The following SULF2 variants were observed in gnomAD, a reference collection of about 807,000 sequenced individuals.
SULF2 encodes the protein sulfatase 2, also known as extracellular sulfatase Sulf-2.
A neutral mutation model predicts 107.7 loss-of-function variants in SULF2; 52 were observed. That is an observed-to-expected ratio of 0.48 (90% CI 0.39 to 0.61). The LOEUF is 0.61. Ranked by LOEUF, SULF2 falls within the 20% of genes least tolerant of loss-of-function variation. The pLI is 0.00. For synonymous variants in SULF2, 460 were observed against 464.3 expected, an observed-to-expected ratio of 0.99 and a Z score of 0.12; for missense variants, 993 against 1,177.3, an observed-to-expected ratio of 0.84 and a Z score of 2.29.
intron 1 of SULF2, among the ~76,000 whole-genome samples, chr20:47,765,129 A>C (rs1439828941): frequency 6.6e-6 from 1 of 152,078 alleles, no homozygotes; most frequent in Non-Finnish European, 1.5e-5. Context: ...AGGCGGGCGG[A>C]TCACGAGGTC....
intron 2 of SULF2, among the ~76,000 whole-genome samples, chr20:47,744,737 G>A (rs924145352): frequency 4.6e-5 from 7 of 152,230 alleles, no homozygotes; most frequent in Admixed American, 2.0e-4. Flanking sequence ...TCTACCTGGG[G>A]CCAGTCTGCT....
chr20:47,682,399 T>A (rs1377624624), intron 7 of SULF2, among the ~76,000 whole-genome samples: 1 of 152,154 alleles, frequency 6.6e-6, no homozygotes, highest in Non-Finnish European at 1.5e-5. Context: ...TCCCAGCCGA[T>A]CCAAGGAAGC....
chr20:47,716,729 C>T (rs562475778), intron 3 of SULF2, among the ~76,000 whole-genome samples: 16 of 152,254 alleles, frequency 1.1e-4, no homozygotes, highest in Middle Eastern at 3.4e-3. Flanking sequence ...GGGACAGTGG[C>T]TCACGTCTGT....
chr20:47,729,871 G>A (rs1600592505), intron 3 of SULF2, among the ~76,000 whole-genome samples: 1 of 152,326 alleles, frequency 6.6e-6, no homozygotes, highest in South Asian at 2.1e-4. Context: ...GACGGCCCAC[G>A]CAGCAGCCCT....
chr20:47,726,105 C>T (rs2089435829), intron 3 of SULF2, among the ~76,000 whole-genome samples: 1 of 152,162 alleles, frequency 6.6e-6, no homozygotes, highest in Non-Finnish European at 1.5e-5. Flanking sequence ...GGAAAGCACT[C>T]ACCTAAAGTT....
intron 2 of SULF2, among the ~76,000 whole-genome samples, chr20:47,748,109 A>G (rs1028999869): frequency 2.6e-5 from 4 of 152,166 alleles, no homozygotes; most frequent in African/African-American, 9.7e-5. Context: ...TCCATCGGGC[A>G]TGCAATCAAA....
rs397837137 is a variant in SULF2 at position 47,742,927 on chromosome 20, AT to A, written c.176-5986del. On this transcript the variant is annotated intron_variant, in intron 2 of 20. Coordinates refer to ENST00000688720, the MANE Select transcript of SULF2 (RefSeq NM_001387048.1). Reference sequence around the variant, plus strand: ...AGGGAGTTTCAGGATTCAAAACATGATTTTTTTTTTTTTTTTTTTTTTTTTT... The same window carrying A: ...AGGGAGTTTCAGGATTCAAAACATGATTTTTTTTTTTTTTTTTTTTTTTTT... Among the ~76,000 whole-genome samples, 504 of 99,364 alleles carry A rather than the reference AT, an allele frequency of 5.1e-3. 42 individuals are homozygous for A. Among genetic ancestry groups the A allele is most frequent in the African/African-American group, 0.01 (273 of 26,140 alleles). 65.2% of individuals were successfully genotyped at this position (99,364 alleles called of 152,430 possible).
rs2087167115 is a variant in SULF2, at chr20:47,663,697, C to T, written c.2058-75G>A. The T allele has an allele frequency of 3.4e-6, 5 of 1,471,724 alleles. No individual in the cohort carries two copies. In the Admixed American group the frequency reaches 9.0e-5, roughly 27 times the overall value. 91.2% of individuals were successfully genotyped at this position (1,471,724 alleles called of 1,614,324 possible). On this transcript the variant is annotated intron_variant, in intron 15 of 20. Coordinates refer to ENST00000688720, the MANE Select transcript of SULF2 (RefSeq NM_001387048.1). ...ACCCCATGTCTCTGCTCTTCCTGTC[C>T]ACCTAAGGGCTTCGCTGAGGCTTCT...
intron 4 of SULF2, among the ~76,000 whole-genome samples, chr20:47,700,688 C>A (rs2088536376): frequency 6.6e-6 from 1 of 150,458 alleles, no homozygotes; most frequent in East Asian, 1.9e-4. Context: ...CTCTGTCTCC[C>A]AGGCTGGAGA....
rs777684606 is a variant in SULF2 at position 47,672,401 on chromosome 20, A to G, written c.1381-8T>C. ...CTCCACACACTGCCACTTCTGAAAG[A>G]CATGCCAGGGCCTCGGCCAGCTGCT... On this transcript the variant is annotated splice_polypyrimidine_tract_variant and splice_region_variant and intron_variant, in intron 10 of 20. Coordinates refer to ENST00000688720, the MANE Select transcript of SULF2 (RefSeq NM_001387048.1). 3.8e-6 allele frequency: 6 copies of G among 1,597,846 alleles called. No homozygotes were observed. The highest frequency in any genetic ancestry group is 1.3e-5 in the African/African-American group (1 of 74,692).
intron 4 of SULF2, among the ~76,000 whole-genome samples, chr20:47,691,194 G>C: frequency 6.6e-6 from 1 of 152,144 alleles, no homozygotes; most frequent in Non-Finnish European, 1.5e-5. Flanking sequence ...GCCTACACTG[G>C]GGCAGGAGCA....
intron 3 of SULF2, among the ~76,000 whole-genome samples, chr20:47,703,044 G>A (rs1484850092): frequency 6.6e-6 from 1 of 152,098 alleles, no homozygotes; most frequent in African/African-American, 2.4e-5. Context: ...AGCCTCCCGA[G>A]TAATCCTCAG....
intron 17 of SULF2, 110 bp downstream of exon 17, chr20:47,662,960 C>T: frequency 7.5e-7 from 1 of 1,326,576 alleles, no homozygotes; most frequent in Non-Finnish European, 1.1e-6. Context: ...GGCTCAGGGA[C>T]TCAGTGGGAC....
At chr20:47,676,447 C>G (rs1384780902) in intron 10 of SULF2, 47 bp downstream of exon 10, 4 of 1,590,298 alleles carry the variant, frequency 2.5e-6, no homozygotes, top group Non-Finnish European at 2.6e-6. Context: ...TCAGGGCCGG[C>G]TGCAGTCAGG....
At chr20:47,712,840 C>G (rs1348141918) in intron 3 of SULF2, among the ~76,000 whole-genome samples, 1 of 152,118 alleles carries the variant, frequency 6.6e-6, no homozygotes, top group Admixed American at 6.5e-5. Flanking sequence ...TTGAGGCCAG[C>G]CTGGGCAACA....
chr20:47,750,748 C>T (rs1384591594), intron 2 of SULF2, among the ~76,000 whole-genome samples: 7 of 152,252 alleles, frequency 4.6e-5, no homozygotes, highest in Non-Finnish European at 1.0e-4. Flanking sequence ...CTCCCTATTA[C>T]CGTTCATTCT....
chr20:47,696,616 A>G (rs991177875), intron 4 of SULF2, among the ~76,000 whole-genome samples: 3 of 152,242 alleles, frequency 2.0e-5, no homozygotes, highest in Non-Finnish European at 4.4e-5. Flanking sequence ...TTATGAGAAG[A>G]GACAGATACT....
chr20:47,721,141 C>G (rs1382586896), intron 3 of SULF2, among the ~76,000 whole-genome samples: 1 of 40,484 alleles, frequency 2.5e-5, no homozygotes, highest in East Asian at 4.5e-4. Flanking sequence ...AGTTCTTCTG[C>G]TTTTGAAAAA....
chr20:47,777,898 C>T (rs2090752567), intron 1 of SULF2, among the ~76,000 whole-genome samples: 1 of 151,418 alleles, frequency 6.6e-6, no homozygotes, highest in Non-Finnish European at 1.5e-5. Context: ...CCTGTAATCC[C>T]AGCACTTTTG....
Sources: allele counts gnomAD v4.1 joint callset (sites outside exome capture counted in the v4.1 genomes callset), GRCh38; gene constraint gnomAD v4.1.1; transcripts MANE v1.5; gene names NCBI Gene and HGNC (gene_info 2026-07-23, HGNC 2026-07-21).